Variants in HPCAL1 observed in about 807,000 individuals in gnomAD.
HPCAL1 encodes the protein hippocalcin like 1, also known as hippocalcin-like protein 1.
Under a neutral mutation model 17.1 loss-of-function variants are expected in HPCAL1, and 8 were observed. The observed-to-expected ratio is 0.47, with a 90% confidence interval of 0.27 to 0.84. HPCAL1 has a LOEUF of 0.84. Among genes scored for constraint, HPCAL1 ranks in the 40% least tolerant of loss-of-function variants. The probability of loss-of-function intolerance (pLI) is 0.13; values close to 1 mark genes in which losing one functional copy is unlikely to be tolerated. For missense variants in HPCAL1, 165 were observed against 271.1 expected (o/e 0.61, Z 2.75); for synonymous variants, 112 against 111.4 (o/e 1.01, Z -0.03).
At chr2:10,370,156 C>T (rs1382449292) in intron 1 of HPCAL1, among the ~76,000 whole-genome samples, 1 of 152,264 alleles carries the variant, frequency 6.6e-6, no homozygotes, top group Admixed American at 6.5e-5. Context: ...TTTCCACTCT[C>T]CTTCCTGCAT....
At chr2:10,414,356 A>G (rs1292148509) in intron 2 of HPCAL1, among the ~76,000 whole-genome samples, 1 of 152,126 alleles carries the variant, frequency 6.6e-6, no homozygotes, top group Non-Finnish European at 1.5e-5. Flanking sequence ...TCTGGAGGCC[A>G]GAAGTCCAAG....
chr2:10,319,007 C>T (rs1269348094), intron 1 of HPCAL1, among the ~76,000 whole-genome samples: 4 of 152,172 alleles, frequency 2.6e-5, no homozygotes, highest in South Asian at 2.1e-4. Flanking sequence ...GCCTCCCTTT[C>T]GCAGGCTGCT....
intron 2 of HPCAL1, among the ~76,000 whole-genome samples, chr2:10,400,124 C>T (rs565058792): frequency 2.0e-5 from 3 of 152,304 alleles, no homozygotes; most frequent in Admixed American, 6.5e-5. Context: ...CAGGGACGGG[C>T]GTGCTTCTAG....
intron 3 of HPCAL1, among the ~76,000 whole-genome samples, chr2:10,421,896 T>C (rs1169358411): frequency 6.6e-6 from 1 of 152,188 alleles, no homozygotes; most frequent in Non-Finnish European, 1.5e-5. Context: ...TAAATTAACA[T>C]GGGCTCGGGG....
chr2:10,340,572 A>T (rs1665015872), intron 1 of HPCAL1, among the ~76,000 whole-genome samples: 1 of 152,232 alleles, frequency 6.6e-6, no homozygotes, highest in Non-Finnish European at 1.5e-5. Flanking sequence ...CACCATGGGG[A>T]TGCAGGCTCA....
At chr2:10,391,831 C>T (rs1668712793) in intron 1 of HPCAL1, among the ~76,000 whole-genome samples, 1 of 152,232 alleles carries the variant, frequency 6.6e-6, no homozygotes, top group Non-Finnish European at 1.5e-5. Context: ...TTACTGCAAC[C>T]TCTGCCCCTC....
chr2:10,387,638 T>A (rs1435391790), intron 1 of HPCAL1, among the ~76,000 whole-genome samples: 1 of 152,210 alleles, frequency 6.6e-6, no homozygotes, highest in African/African-American at 2.4e-5. Flanking sequence ...ACAGTGGTAC[T>A]CAGAGAGGCT....
At chr2:10,325,858 A>G (rs901088839) in intron 1 of HPCAL1, among the ~76,000 whole-genome samples, 1 of 152,216 alleles carries the variant, frequency 6.6e-6, no homozygotes, top group African/African-American at 2.4e-5. Flanking sequence ...GTTGGGCACC[A>G]TGGCCATTTC....
chr2:10,399,265 C>CCACCACCATCACCAT, intron 2 of HPCAL1, among the ~76,000 whole-genome samples: 1 of 84,378 alleles, frequency 1.2e-5, no homozygotes, highest in African/African-American at 5.4e-5. Flanking sequence ...ACCACCATCA[C>CCACCACCATCACCAT]CACCACCACC....
At chr2:10,309,878 C>T (rs746537207) in intron 1 of HPCAL1, among the ~76,000 whole-genome samples, 7 of 152,262 alleles carry the variant, frequency 4.6e-5, no homozygotes, top group Middle Eastern at 3.4e-3. Flanking sequence ...CACAAATGAC[C>T]GTTCTCTCCC....
rs1665151735 is a variant in HPCAL1, at chr2:10,342,436, C to A, written c.-111+39259C>A. On this transcript the variant is annotated intron_variant, in intron 1 of 4. Transcript: ENST00000307845. This position sits in a 1 kb window ranked among gnomAD's most constrained non-coding sequence, Gnocchi z 4.1. ...TAGCCACATGTGCAGTCCGTGCCTC[C>A]AGCGCGCAGCCTGAAAGGGAGGCGT... Among the ~76,000 whole-genome samples the A allele has an allele frequency of 6.6e-6, 1 of 151,742 alleles. No homozygotes were observed. The highest frequency in any genetic ancestry group is 1.5e-5 in the Non-Finnish European group (1 of 68,000).
chr2:10,308,178 G>C (rs909380126), intron 1 of HPCAL1, among the ~76,000 whole-genome samples: 4 of 152,106 alleles, frequency 2.6e-5, no homozygotes, highest in Non-Finnish European at 5.9e-5. Flanking sequence ...AGGGGTTGGA[G>C]TTGGGGCTGG....
intron 2 of HPCAL1, among the ~76,000 whole-genome samples, chr2:10,409,589 A>G (rs1670200212): frequency 6.6e-6 from 1 of 152,096 alleles, no homozygotes; most frequent in South Asian, 2.1e-4. Flanking sequence ...ACCGGGAGAA[A>G]GAACTGGGTT....
rs917844273 is a variant in HPCAL1, at chr2:10,354,862, G to A, written c.-110-41973G>A. Among the ~76,000 whole-genome samples, 3 of 152,232 alleles carry A rather than the reference G, an allele frequency of 2.0e-5. No homozygotes were observed. The highest frequency in any genetic ancestry group is 7.2e-5 in the African/African-American group (3 of 41,460). ...GTTAGAACTTAATGATGCGACGTTTGCTTTGCAAACTGTGGTCCCCTCCTC... is the reference window on the plus strand; with the variant it reads ...GTTAGAACTTAATGATGCGACGTTTACTTTGCAAACTGTGGTCCCCTCCTC... On this transcript the variant is annotated intron_variant, in intron 1 of 4. Transcript: ENST00000307845. The surrounding 1 kb of genome is among the most constrained non-coding windows in gnomAD (Gnocchi z 5.1).
Position 10,354,210 on chromosome 2 carries a change from C to T in HPCAL1, c.-110-42625C>T, listed in dbSNP as rs534081293. 12 of 152,334 alleles carry T rather than the reference C, an allele frequency of 7.9e-5. No homozygotes were observed. The highest frequency in any genetic ancestry group is 2.9e-4 in the African/African-American group (12 of 41,556). The allele number at this position is 152,334 out of a possible 1,614,324, so 9.4% of individuals were successfully genotyped here. On this transcript the variant is annotated intron_variant, in intron 1 of 4. Transcript: ENST00000307845. This position sits in a 1 kb window ranked among gnomAD's most constrained non-coding sequence, Gnocchi z 5.1. ...AACTCACTCATCTTCTTTCTCAACC[C>T]CTCAGGCCCAGCAGAAGTCCTCTCT...
At chr2:10,392,784 C>A (rs1056482578) in intron 1 of HPCAL1, among the ~76,000 whole-genome samples, 1 of 152,164 alleles carries the variant, frequency 6.6e-6, no homozygotes, top group African/African-American at 2.4e-5. Context: ...CCTGGCCTTG[C>A]CACCTCCCTC....
chr2:10,315,709 T>C (rs1376439451), intron 1 of HPCAL1, among the ~76,000 whole-genome samples: 2 of 152,154 alleles, frequency 1.3e-5, no homozygotes, highest in African/African-American at 4.8e-5. Context: ...ACCTAGGACA[T>C]AAAGAAAAAC....
At chr2:10,414,283 GTGCTAC>G (rs1558530204) in intron 2 of HPCAL1, among the ~76,000 whole-genome samples, 1 of 152,232 alleles carries the variant, frequency 6.6e-6, no homozygotes, top group Non-Finnish European at 1.5e-5. Context: ...GGTGGCTGCT[GTGCTAC>G]TGTAACACGG....
At chr2:10,357,999 C>T in intron 1 of HPCAL1, among the ~76,000 whole-genome samples, 1 of 152,236 alleles carries the variant, frequency 6.6e-6, no homozygotes, top group Non-Finnish European at 1.5e-5. Flanking sequence ...AAACCCCAGC[C>T]CTGTCTGAAG....
Sources: gnomAD v4.1 joint callset for allele counts (sites outside exome capture counted in the v4.1 genomes callset) on GRCh38, gnomAD v4.1.1 for gene constraint, Gnocchi (gnomAD v3.1) non-coding constraint, MANE v1.5 for transcripts, NCBI Gene and HGNC (gene_info 2026-07-23, HGNC 2026-07-21) for gene names.